PROSER2: variants seen among roughly 807,000 people sequenced by gnomAD.
The protein encoded by PROSER2 is proline and serine-rich protein 2.
In PROSER2, 18 loss-of-function variants were observed where a neutral mutation model predicts 14.6. The ratio of observed to expected loss-of-function variants is 1.23; its 90% CI spans 0.85 to 1.83. The LOEUF is 1.83. PROSER2 is among the 40% of genes most tolerant of loss of function. The pLI is 0.00. For missense variants in PROSER2, 823 were observed against 629.8 expected (o/e 1.31, Z -3.28); for synonymous variants, 367 against 286.4 (o/e 1.28, Z -2.84).
chr10:11,858,316 A>G (rs557335289), intron 2 of PROSER2, among the ~76,000 whole-genome samples: 1 of 152,316 alleles, frequency 6.6e-6, no homozygotes, highest in East Asian at 1.9e-4. Context: ...CAAAGATTTG[A>G]TTCTACCGTT....
In PROSER2 at chr10:11,866,600, G is replaced by T; in HGVS notation, c.208G>T (p.Asp70Tyr). Residue 70 changes from aspartate to tyrosine, a missense_variant, in exon 3 of 4, where the codon GAC becomes TAC. Asp to Tyr is a radical substitution (Grantham distance 160, BLOSUM62 -3). Coordinates refer to ENST00000277570, the MANE Select transcript of PROSER2 (RefSeq NM_153256.4). This position sits in a 1 kb window ranked among gnomAD's most constrained non-coding sequence, Gnocchi z 6.0. ...GCTCCTGTTTTTTGAAGAGACGATT[G>T]ACTCCCTAGACGAGGACTTTGAGGA... ...DVLLFFEETI[D>Y]SLDEDFEEPV... 6.2e-7 allele frequency: 1 copy of T among 1,614,220 alleles called. No individual in the cohort carries two copies. Among genetic ancestry groups the T allele is most frequent in the South Asian group, 1.1e-5 (1 of 91,086 alleles).
intron 2 of PROSER2, among the ~76,000 whole-genome samples, chr10:11,857,757 A>AAAG (rs1554767528): frequency 1.2e-3 from 176 of 151,008 alleles, no homozygotes; most frequent in African/African-American, 4.1e-3. Context: ...AAAAAAAAAA[A>AAAG]AAAAAAAGAA....
At chr10:11,842,931 CTTTTTTTTTTTTTTT>C (rs558283551) in intron 1 of PROSER2, among the ~76,000 whole-genome samples, 2 of 51,956 alleles carry the variant, frequency 3.8e-5, no homozygotes, top group African/African-American at 6.8e-5. Context: ...TGCCATTGTT[CTTTTTTTTTTTTTTT>C]TTTTTTTTTT....
rs1312711853 is a variant in PROSER2, at chr10:11,852,214, T to C, written c.137T>C (p.Leu46Ser). 6.2e-7 allele frequency: 1 copy of C among 1,601,470 alleles called. No homozygotes were observed. The highest frequency in any genetic ancestry group is 1.1e-5 in the South Asian group (1 of 89,510). ...AGCTCTCGCTCCAGAAGCTTCACTT[T>C]GGTGAGTGACAGTTTTTCTTTCATG... ...SSSSRSRSFT[L>S]DDESLKYLTH... Residue 46 changes from leucine (L) to serine (S), a missense_variant and splice_region_variant, in exon 2 of 4, where the codon TTG becomes TCG. Physicochemically the swap from Leu to Ser is moderately radical, Grantham distance 145 (BLOSUM62 -2). Transcript: ENST00000277570.
At chr10:11,855,398 C>G (rs1426777676) in intron 2 of PROSER2, among the ~76,000 whole-genome samples, 1 of 148,362 alleles carries the variant, frequency 6.7e-6, no homozygotes, top group Non-Finnish European at 1.5e-5. Context: ...GGTGTGAACC[C>G]GGGAGGCGGA....
chr10:11,831,468 C>G (rs1327207621), intron 1 of PROSER2, among the ~76,000 whole-genome samples: 1 of 152,156 alleles, frequency 6.6e-6, no homozygotes, highest in Non-Finnish European at 1.5e-5. Context: ...ATAGACATAC[C>G]AGCTGTCCAT....
At chr10:11,851,690 G>A (rs41291257) in intron 1 of PROSER2, 9,867 of 155,452 alleles carry the variant, frequency 0.063, 411 homozygotes, top group East Asian at 0.18. Context: ...TCAGGAGGCC[G>A]GGGCAGGAGG....
chr10:11,839,425 G>A (rs933958576), intron 1 of PROSER2, among the ~76,000 whole-genome samples: 3 of 152,070 alleles, frequency 2.0e-5, no homozygotes, highest in South Asian at 2.1e-4. Flanking sequence ...AAAAATACTT[G>A]CAATTTATAT....
In PROSER2 at chr10:11,838,525, T is replaced by G. The variant is rs1236387191; in HGVS notation, c.-81-13472T>G. ...TTCCTAGTAGACAGCTCCCCTGGAG[T>G]GAAGGCTGAGCAGTGGAATGTGTGG... On this transcript the variant is annotated intron_variant, in intron 1 of 3. Coordinates refer to ENST00000277570, the MANE Select transcript of PROSER2 (RefSeq NM_153256.4). The surrounding 1 kb of genome is among the most constrained non-coding windows in gnomAD (Gnocchi z 4.4). Among the ~76,000 whole-genome samples, 1 of 152,134 alleles carries G rather than the reference T, an allele frequency of 6.6e-6. No homozygotes were observed.
rs1341644233 is a variant in PROSER2, at chr10:11,836,702, C to T, written c.-82+13232C>T. 6.6e-6 allele frequency among the ~76,000 whole-genome samples: 1 copy of T among 152,120 alleles called. No individual in the cohort carries two copies. The highest frequency in any genetic ancestry group is 1.5e-5 in the Non-Finnish European group (1 of 68,034). On this transcript the variant is annotated intron_variant, in intron 1 of 3. Coordinates refer to ENST00000277570, the MANE Select transcript of PROSER2 (RefSeq NM_153256.4). The surrounding 1 kb of genome is among the most constrained non-coding windows in gnomAD (Gnocchi z 4.6). ...CAGGAAGGGGGATGTCTTTTAGAAG[C>T]TCATTTCTACCTCTTTCCCAGCTCA...
intron 1 of PROSER2, chr10:11,850,547 G>A (rs75150568): frequency 0.046 from 7,038 of 152,280 alleles, 224 homozygotes; most frequent in Middle Eastern, 0.12. Flanking sequence ...AGCTCTCCTA[G>A]GACCATTGAC....
Position 11,869,692 on chromosome 10 carries a change from G to A in PROSER2, c.594G>A (p.Ala198=), listed in dbSNP as rs748608188. The change falls in exon 4 of 4, where the codon GCG becomes GCA. Residue 198 remains alanine, a synonymous_variant. Transcript: ENST00000277570. The surrounding 1 kb of genome is among the most constrained non-coding windows in gnomAD (Gnocchi z 4.4). ...CTGTTCCCACGCCCCTCGTTATGGC[G>A]CAGAAGATTTCCGAGAGGATGGCGG... ...LRSVPTPLVM[A]QKISERMAGN... 92 of 1,597,798 alleles carry A rather than the reference G, an allele frequency of 5.8e-5. No individual in the cohort carries two copies. The highest frequency in any genetic ancestry group is 3.4e-6 in the Non-Finnish European group (4 of 1,172,876).
intron 1 of PROSER2, among the ~76,000 whole-genome samples, chr10:11,849,190 A>C (rs1156560952): frequency 6.6e-6 from 1 of 151,880 alleles, no homozygotes; most frequent in African/African-American, 2.4e-5. Flanking sequence ...CCGTCTCAAA[A>C]AAAAAACAAA....
intron 1 of PROSER2, among the ~76,000 whole-genome samples, chr10:11,840,836 A>T (rs1285584215): frequency 6.7e-6 from 1 of 148,352 alleles, no homozygotes; most frequent in Non-Finnish European, 1.5e-5. Flanking sequence ...GAGGCAGGAG[A>T]ATCGCTTGAA....
chr10:11,859,008 CAAAAAAAAAAAAA>C (rs750181845), intron 2 of PROSER2, among the ~76,000 whole-genome samples: 41 of 61,164 alleles, frequency 6.7e-4, no homozygotes, highest in Middle Eastern at 7.9e-3. Flanking sequence ...GACTCTGTCT[CAAAAAAAAAAAAA>C]AAAAAAAAAA....
At chr10:11,859,218 T>C (rs1429666666) in intron 2 of PROSER2, among the ~76,000 whole-genome samples, 1 of 151,810 alleles carries the variant, frequency 6.6e-6, no homozygotes, top group African/African-American at 2.4e-5. Context: ...GGTCAGGAGC[T>C]TGAGACCAGC....
rs150462436 is a variant in PROSER2, at chr10:11,844,995, G to A, written c.-81-7002G>A. On this transcript the variant is annotated intron_variant, in intron 1 of 3. Transcript: ENST00000277570. ...TCTATTTAACCAGCCCCTTATGTGA[G>A]ACACTTAGGTTTTTTGGGGGATTTT... Among the ~76,000 whole-genome samples the A allele has an allele frequency of 3.0e-3, 463 of 152,326 alleles. 4 individuals are homozygous for A. Among genetic ancestry groups the A allele is most frequent in the African/African-American group, 0.011 (442 of 41,560 alleles).
chr10:11,865,030 T>C lies in PROSER2; in HGVS notation c.139-1501T>C, dbSNP rs1245077672. 6.6e-6 allele frequency among the ~76,000 whole-genome samples: 1 copy of C among 152,188 alleles called. No individual in the cohort carries two copies. Reference sequence around the variant, plus strand: ...TGTTTGATTTTTATTCATTAGGTTGTACACTAAGGACCCCTTTCAGTTTGG... The same window carrying C: ...TGTTTGATTTTTATTCATTAGGTTGCACACTAAGGACCCCTTTCAGTTTGG... On this transcript the variant is annotated intron_variant, in intron 2 of 3. Coordinates refer to ENST00000277570, the MANE Select transcript of PROSER2 (RefSeq NM_153256.4). The surrounding 1 kb of genome is among the most constrained non-coding windows in gnomAD (Gnocchi z 4.2).
chr10:11,844,475 T>C (rs1340731893), intron 1 of PROSER2, among the ~76,000 whole-genome samples: 1 of 152,220 alleles, frequency 6.6e-6, no homozygotes, highest in Non-Finnish European at 1.5e-5. Context: ...CTTATGCATG[T>C]AACAACAAAT....
Sources: allele counts gnomAD v4.1 joint callset (sites outside exome capture counted in the v4.1 genomes callset), GRCh38; gene constraint gnomAD v4.1.1; non-coding constraint Gnocchi (gnomAD v3.1); transcripts MANE v1.5; gene names NCBI Gene and HGNC (gene_info 2026-07-23, HGNC 2026-07-21).